The following SEC14L1 variants were observed in gnomAD, a reference collection of about 807,000 sequenced individuals.
The protein encoded by SEC14L1 is SEC14-like protein 1.
A neutral mutation model predicts 85.3 loss-of-function variants in SEC14L1; 48 were observed. That is an observed-to-expected ratio of 0.56 (90% confidence interval 0.45 to 0.72). The LOEUF (loss-of-function observed/expected upper bound fraction) is 0.72. Ranked by LOEUF, SEC14L1 falls within the 30% of genes least tolerant of loss-of-function variation. SEC14L1 has a pLI of 0.00. For missense variants in SEC14L1, 682 were observed against 921.4 expected, an observed-to-expected ratio of 0.74 and a Z score of 3.36; for synonymous variants, 391 against 355.5, an observed-to-expected ratio of 1.10 and a Z score of -1.12.
chr17:77,155,569 T>C (rs1973770073), intron 3 of SEC14L1, among the ~76,000 whole-genome samples: 3 of 152,050 alleles, frequency 2.0e-5, no homozygotes, highest in African/African-American at 7.3e-5. Context: ...CTTGGTGGCT[T>C]AGCCCCAGAC....
At position 77,143,159 on chromosome 17, in the gene SEC14L1, A is replaced by G. The variant is rs545147504; in HGVS notation, c.-30-408A>G. ...AGAGCTAATATCTTAACACGAGATC[A>G]TTTTTATTTGGCTTCTAGTAGAAGT... is the stretch of plus-strand genomic sequence containing the variant. On this transcript the variant is annotated intron_variant, in intron 2 of 16. Coordinates refer to ENST00000436233, the MANE Select transcript of SEC14L1 (RefSeq NM_001143998.2). Among the ~76,000 whole-genome samples, 9 of 152,326 alleles carry G rather than the reference A, an allele frequency of 5.9e-5. No individual in the cohort carries two copies. In the East Asian group the frequency reaches 7.7e-4, roughly 13 times the overall value.
intron 3 of SEC14L1, among the ~76,000 whole-genome samples, chr17:77,117,333 C>T (rs112858870): frequency 2.2e-4 from 34 of 152,006 alleles, no homozygotes; most frequent in African/African-American, 7.5e-4. Flanking sequence ...GGTGTCAGAG[C>T]GAGACTCTGT....
At chr17:77,199,549 A>T (rs1976010437) in intron 8 of SEC14L1, 1 of 153,980 alleles carries the variant, frequency 6.5e-6, no homozygotes, top group African/African-American at 2.4e-5. Flanking sequence ...TCCATGTTTA[A>T]TTCTCTTTTG....
Position 77,213,678 on chromosome 17 carries a change from A to G in SEC14L1, c.2042+186A>G, listed in dbSNP as rs749605071. The G allele has an allele frequency of 5.8e-6, 5 of 858,038 alleles. No homozygotes were observed. In the South Asian group the frequency reaches 7.1e-5, roughly 12 times the overall value. The allele number at this position is 858,038 out of a possible 1,614,324, so 53.2% of individuals were successfully genotyped here. A position where few individuals can be genotyped will look rare whatever the true frequency, so the allele number is the denominator to read the frequency against. Reference sequence around the variant, plus strand: ...ACTCCCTGCCTGTCTGCAGAGGGAGAGTGTCGGAGACAGAGCCGACTGACT... The same window carrying G: ...ACTCCCTGCCTGTCTGCAGAGGGAGGGTGTCGGAGACAGAGCCGACTGACT... On this transcript the variant is annotated intron_variant, in intron 16 of 16. Transcript: ENST00000436233. The surrounding 1 kb of genome is among the most constrained non-coding windows in gnomAD (Gnocchi z 7.1).
At chr17:77,210,062 C>G (rs907430554) in intron 14 of SEC14L1, 1 of 152,294 alleles carries the variant, frequency 6.6e-6, no homozygotes, top group Non-Finnish European at 1.5e-5. Context: ...AGGCTGGTCT[C>G]GAACACCTGA....
intron 3 of SEC14L1, among the ~76,000 whole-genome samples, chr17:77,174,418 A>G (rs1165278845): frequency 6.6e-6 from 1 of 152,172 alleles, no homozygotes; most frequent in Non-Finnish European, 1.5e-5. Flanking sequence ...GGAACCACAG[A>G]TCCGGACTCC....
intron 3 of SEC14L1, among the ~76,000 whole-genome samples, chr17:77,107,102 A>T (rs1396306249): frequency 1.3e-5 from 2 of 152,230 alleles, no homozygotes; most frequent in African/African-American, 4.8e-5. Flanking sequence ...AGCTTTAATG[A>T]CTTGAGAGTC....
At chr17:77,111,465 A>G (rs1972045281) in intron 3 of SEC14L1, among the ~76,000 whole-genome samples, 1 of 150,962 alleles carries the variant, frequency 6.6e-6, no homozygotes, top group Admixed American at 6.6e-5. Context: ...CAAAAGCCAC[A>G]GACACTCAAG....
chr17:77,123,068 TG>T (rs1972343175), intron 3 of SEC14L1, among the ~76,000 whole-genome samples: 3 of 151,180 alleles, frequency 2.0e-5, no homozygotes, highest in Admixed American at 6.6e-5. Context: ...TTTTTTTTTT[TG>T]AGATGGAGTC....
chr17:77,158,641 G>T (rs1023838111), intron 3 of SEC14L1, among the ~76,000 whole-genome samples: 13 of 151,946 alleles, frequency 8.6e-5, no homozygotes, highest in African/African-American at 3.1e-4. Flanking sequence ...GTACTCAATT[G>T]TATATGCCAC....
intron 3 of SEC14L1, among the ~76,000 whole-genome samples, chr17:77,182,529 C>T (rs568140307): frequency 1.4e-4 from 22 of 152,272 alleles, no homozygotes; most frequent in Non-Finnish European, 1.9e-4. Context: ...CAAATGATTA[C>T]AGTAGTTATT....
At chr17:77,204,173 G>A (rs1039614601) in intron 10 of SEC14L1, among the ~76,000 whole-genome samples, 4 of 151,962 alleles carry the variant, frequency 2.6e-5, no homozygotes, top group East Asian at 1.9e-4. Flanking sequence ...CTTAAAAGAC[G>A]TATTTATAGC....
chr17:77,104,430 C>CTTTTT (rs111712879), intron 3 of SEC14L1, among the ~76,000 whole-genome samples: 7 of 135,964 alleles, frequency 5.1e-5, no homozygotes, highest in South Asian at 2.4e-4. Context: ...CTTGTGTTTA[C>CTTTTT]TTTTTTTTTT....
chr17:77,134,147 C>G (rs1972709148), intron 3 of SEC14L1, among the ~76,000 whole-genome samples: 1 of 152,100 alleles, frequency 6.6e-6, no homozygotes, highest in South Asian at 2.1e-4. Flanking sequence ...GTCACTTACC[C>G]TGCCCGGTGT....
At chr17:77,196,620 C>G (rs987351244) in intron 8 of SEC14L1, among the ~76,000 whole-genome samples, 16 of 152,294 alleles carry the variant, frequency 1.1e-4, no homozygotes, top group Middle Eastern at 6.8e-3. Flanking sequence ...AAAAAGAGTT[C>G]AGAGATTTAT....
At chr17:77,121,504 A>G (rs1248099906) in intron 3 of SEC14L1, among the ~76,000 whole-genome samples, 3 of 151,982 alleles carry the variant, frequency 2.0e-5, no homozygotes, top group Admixed American at 2.0e-4. Context: ...GATTACAGGC[A>G]CGTGCCACCA....
intron 14 of SEC14L1, chr17:77,211,620 C>G (rs1183362611): frequency 2.9e-6 from 1 of 343,190 alleles, no homozygotes; most frequent in African/African-American, 2.1e-5. Context: ...GGGCAGTCCT[C>G]TGAACCACTC....
At chr17:77,148,126 C>T (rs974045117) in intron 3 of SEC14L1, among the ~76,000 whole-genome samples, 14 of 152,124 alleles carry the variant, frequency 9.2e-5, no homozygotes, top group African/African-American at 3.4e-4. Context: ...AAGTGCATCT[C>T]CCCCTCCCCC....
intron 9 of SEC14L1, among the ~76,000 whole-genome samples, chr17:77,202,805 A>G (rs992871263): frequency 6.6e-6 from 1 of 151,730 alleles, no homozygotes; most frequent in Non-Finnish European, 1.5e-5. Flanking sequence ...CTGTAGTTCC[A>G]GCTACTTGGG....
Sources: allele counts gnomAD v4.1 joint callset (sites outside exome capture counted in the v4.1 genomes callset), GRCh38; gene constraint gnomAD v4.1.1; non-coding constraint Gnocchi (gnomAD v3.1); transcripts MANE v1.5; gene names NCBI Gene and HGNC (gene_info 2026-07-23, HGNC 2026-07-21).